Variants in SLC12A1 observed in about 807,000 individuals in gnomAD.
SLC12A1 encodes Na-K-2Cl cotransporter.
SLC12A1 carries 89 observed loss-of-function variants against 130.4 expected under a neutral mutation model. That is an observed-to-expected ratio of 0.68 (90% CI 0.58 to 0.81). SLC12A1 has a LOEUF of 0.81. Ranked by LOEUF, SLC12A1 falls within the 40% of genes least tolerant of loss-of-function variation. The probability of loss-of-function intolerance (pLI) is 0.00; values close to 1 mark genes in which losing one functional copy is unlikely to be tolerated. For missense variants in SLC12A1, 1,310 were observed against 1,336.4 expected, an observed-to-expected ratio of 0.98 and a Z score of 0.31; for synonymous variants, 499 against 460.0, an observed-to-expected ratio of 1.08 and a Z score of -1.09.
intron 2 of SLC12A1, among the ~76,000 whole-genome samples, chr15:48,219,486 G>A (rs2041172066): frequency 6.6e-6 from 1 of 152,032 alleles, no homozygotes; most frequent in African/African-American, 2.4e-5. Context: ...AATCCAGGAG[G>A]TGGAGGTTGC....
chr15:48,283,044 T>C (rs1447856244), intron 20 of SLC12A1, among the ~76,000 whole-genome samples: 1 of 152,200 alleles, frequency 6.6e-6, no homozygotes, highest in Non-Finnish European at 1.5e-5. Context: ...ACACAGTCCC[T>C]GGCACCCAAA....
At chr15:48,293,809 C>T (rs1004541771) in intron 24 of SLC12A1, among the ~76,000 whole-genome samples, 25 of 152,064 alleles carry the variant, frequency 1.6e-4, no homozygotes, top group African/African-American at 5.6e-4. Flanking sequence ...CTTTGAGAGG[C>T]CAAGACGGGA....
At position 48,255,875 on chromosome 15, in the gene SLC12A1, A is replaced by C; in HGVS notation, c.2007A>C (p.Glu669Asp). Residue 669 changes from glutamate (E) to aspartate (D), a missense_variant, in exon 16 of 27, where the codon GAA (glutamate) becomes GAC (aspartate). Physicochemically the swap from Glu to Asp is conservative, Grantham distance 45. Transcript: ENST00000380993. ...TGAGTGCTTTAGACAATGCTCTGGAATTAACCACAGTGGAAGACCACGTAA... is the reference window on the plus strand; with the variant it reads ...TGAGTGCTTTAGACAATGCTCTGGACTTAACCACAGTGGAAGACCACGTAA... ...SYVSALDNAL[E>D]LTTVEDHVKN... 1.9e-6 allele frequency: 3 copies of C among 1,604,994 alleles called. No homozygotes were observed. Among genetic ancestry groups the C allele is most frequent in the Non-Finnish European group, 2.6e-6 (3 of 1,175,568 alleles).
chr15:48,270,651 T>G (rs1182786775), intron 19 of SLC12A1, among the ~76,000 whole-genome samples: 1 of 139,378 alleles, frequency 7.2e-6, no homozygotes, highest in African/African-American at 2.7e-5. Context: ...GTATTTCATA[T>G]ATATATTATA....
intron 20 of SLC12A1, among the ~76,000 whole-genome samples, chr15:48,279,415 T>C (rs971259941): frequency 9.2e-5 from 14 of 152,220 alleles, no homozygotes; most frequent in African/African-American, 3.4e-4. Context: ...CTGTAGTTAA[T>C]AAAGCAGTGA....
At chr15:48,209,597 C>G (rs979154489) in intron 2 of SLC12A1, among the ~76,000 whole-genome samples, 1 of 152,170 alleles carries the variant, frequency 6.6e-6, no homozygotes, top group African/African-American at 2.4e-5. Context: ...ATGCATTCAT[C>G]CATTCGTTCC....
chr15:48,246,932 CG>C lies in SLC12A1; in HGVS notation c.1478del (p.Gly493AlafsTer53). ...AGGTCATGAGCATGGTATCAGGGTTCGGCCCCCTCATCACTGCGGGAATCTT... is the reference window on the plus strand; with the variant it reads ...AGGTCATGAGCATGGTATCAGGGTTCGCCCCCTCATCACTGCGGGAATCTT... ...FQVMSMVSGF[G>X]PLITAGIFSA... On this transcript the variant is annotated frameshift_variant, in exon 12 of 27. Coordinates refer to ENST00000380993, the MANE Select transcript of SLC12A1 (RefSeq NM_000338.3). LOFTEE classifies it high-confidence loss of function. 1 of 1,613,694 alleles carries C rather than the reference CG, an allele frequency of 6.2e-7. No individual in the cohort carries two copies. The highest frequency in any genetic ancestry group is 2.2e-5 in the East Asian group (1 of 44,880).
chr15:48,299,421 C>T (rs1316894329), intron 25 of SLC12A1, 146 bp downstream of exon 25: 6 of 727,064 alleles, frequency 8.3e-6, no homozygotes, highest in African/African-American at 1.9e-5. Flanking sequence ...AAGTGCTTTT[C>T]AATCATTTAC....
intron 13 of SLC12A1, among the ~76,000 whole-genome samples, chr15:48,248,889 C>CA (rs1292102665): frequency 6.6e-6 from 1 of 152,132 alleles, no homozygotes; most frequent in Non-Finnish European, 1.5e-5. Context: ...ACTAAAACTA[C>CA]AAAAATTACC....
intron 20 of SLC12A1, among the ~76,000 whole-genome samples, chr15:48,275,167 A>G (rs1166946227): frequency 6.6e-6 from 1 of 152,220 alleles, no homozygotes; most frequent in Non-Finnish European, 1.5e-5. Context: ...AGAATTTGGT[A>G]TATTTGCTTA....
At chr15:48,279,047 T>G (rs2041984607) in intron 20 of SLC12A1, among the ~76,000 whole-genome samples, 2 of 152,200 alleles carry the variant, frequency 1.3e-5, no homozygotes, top group Admixed American at 6.5e-5. Context: ...GCTAATAAAA[T>G]AATTACAAGT....
At chr15:48,256,156 G>A (rs948564261) in intron 16 of SLC12A1, among the ~76,000 whole-genome samples, 1 of 152,164 alleles carries the variant, frequency 6.6e-6, no homozygotes, top group Non-Finnish European at 1.5e-5. Context: ...TTCCATGCGT[G>A]GAGATAGCAA....
At chr15:48,219,723 G>C (rs2041175584) in intron 2 of SLC12A1, among the ~76,000 whole-genome samples, 1 of 152,104 alleles carries the variant, frequency 6.6e-6, no homozygotes, top group Non-Finnish European at 1.5e-5. Context: ...AAGATCCTCT[G>C]AGGTGTGTAG....
At chr15:48,285,789 T>C (rs2042050421) in intron 21 of SLC12A1, among the ~76,000 whole-genome samples, 1 of 152,246 alleles carries the variant, frequency 6.6e-6, no homozygotes, top group Non-Finnish European at 1.5e-5. Context: ...TGTGGACTTA[T>C]GGTATGCAGT....
chr15:48,254,747 C>T (rs749853106), intron 15 of SLC12A1, among the ~76,000 whole-genome samples: 1 of 151,556 alleles, frequency 6.6e-6, no homozygotes, highest in African/African-American at 2.4e-5. Context: ...CGGTGAAACT[C>T]CGTCTCTACT....
At chr15:48,221,520 T>C in intron 4 of SLC12A1, 1 of 607,744 alleles carries the variant, frequency 1.6e-6, no homozygotes, top group Admixed American at 2.8e-5. Flanking sequence ...TATTGCCAGA[T>C]ACAAGCTTTA....
intron 19 of SLC12A1, among the ~76,000 whole-genome samples, chr15:48,270,079 T>G (rs2041876512): frequency 6.6e-6 from 1 of 152,196 alleles, no homozygotes; most frequent in African/African-American, 2.4e-5. Context: ...AAATTTTTCT[T>G]TCAAAACACC....
chr15:48,294,624 T>C (rs1238277906), intron 24 of SLC12A1, among the ~76,000 whole-genome samples: 1 of 152,202 alleles, frequency 6.6e-6, no homozygotes, highest in Non-Finnish European at 1.5e-5. Flanking sequence ...GAACTTCCAT[T>C]CTCTATGTCA....
At chr15:48,260,768 G>A (rs2041766128) in intron 17 of SLC12A1, among the ~76,000 whole-genome samples, 1 of 152,180 alleles carries the variant, frequency 6.6e-6, no homozygotes, top group African/African-American at 2.4e-5. Flanking sequence ...AGGAAGTCAG[G>A]TGACTTTAGA....
Sources: allele counts gnomAD v4.1 joint callset (sites outside exome capture counted in the v4.1 genomes callset), GRCh38; gene constraint gnomAD v4.1.1; transcripts MANE v1.5; gene names NCBI Gene and HGNC (gene_info 2026-07-23, HGNC 2026-07-21).